Variants in RBMS3 observed in about 807,000 individuals in gnomAD.
RBMS3 encodes the protein RNA binding motif single stranded interacting protein 3, also known as RNA-binding motif, single-stranded-interacting protein 3.
RBMS3 carries 27 observed loss-of-function variants against 66.8 expected under a neutral mutation model. The observed-to-expected ratio is 0.40, with a 90% CI of 0.30 to 0.56. The LOEUF (loss-of-function observed/expected upper bound fraction) is 0.56, where lower values mean the gene tolerates loss of function less well. Among genes scored for constraint, RBMS3 ranks in the 20% least tolerant of loss-of-function variants. The pLI is 0.40. For missense variants in RBMS3, 513 were observed against 549.5 expected (o/e 0.93, Z 0.66); for synonymous variants, 188 against 183.0 (o/e 1.03, Z -0.22).
chr3:29,323,724 A>ACC (rs1037337622), intron 1 of RBMS3, among the ~76,000 whole-genome samples: 13 of 140,480 alleles, frequency 9.3e-5, no homozygotes, highest in South Asian at 2.3e-4. Flanking sequence ...ACACACACAC[A>ACC]CACCCCTTGG....
At chr3:29,719,816 C>T (rs1237566284) in intron 4 of RBMS3, among the ~76,000 whole-genome samples, 2 of 152,150 alleles carry the variant, frequency 1.3e-5, no homozygotes, top group Non-Finnish European at 2.9e-5. Flanking sequence ...ATCCACTTTT[C>T]TTTATAACTA....
intron 14 of RBMS3, among the ~76,000 whole-genome samples, chr3:29,996,117 C>T (rs1458735524): frequency 2.7e-5 from 4 of 150,596 alleles, no homozygotes; most frequent in African/African-American, 7.3e-5. Flanking sequence ...GGGTTGCAAT[C>T]CTAGTCTCTG....
chr3:29,663,737 T>A (rs571995427), intron 4 of RBMS3, among the ~76,000 whole-genome samples: 1 of 149,130 alleles, frequency 6.7e-6, no homozygotes, highest in African/African-American at 2.4e-5. Flanking sequence ...GATCAGACAT[T>A]CGTAGATTGT....
At chr3:29,363,869 AT>A (rs1332668012) in intron 1 of RBMS3, among the ~76,000 whole-genome samples, 11 of 151,376 alleles carry the variant, frequency 7.3e-5, no homozygotes, top group South Asian at 4.2e-4. Flanking sequence ...ATTGATAAAA[AT>A]TTTTTTTTGC....
chr3:29,700,423 T>A (rs1419427538), intron 4 of RBMS3, among the ~76,000 whole-genome samples: 1 of 152,178 alleles, frequency 6.6e-6, no homozygotes, highest in Non-Finnish European at 1.5e-5. Flanking sequence ...GCTCCAGAAT[T>A]TTCCTGGAAT....
rs117952313 is a variant in RBMS3, at chr3:29,413,096, C to T, written c.76-21647C>T. ...AAAAGAGAGGCAGCAGAAAGCCAGG[C>T]GCGGTGGCTCACACCTGTAATCCCA... On this transcript the variant is annotated intron_variant, in intron 1 of 14. Transcript: ENST00000383767. Among the ~76,000 whole-genome samples the T allele has an allele frequency of 5.8e-4, 89 of 152,282 alleles. No individual in the cohort carries two copies. The East Asian group carries it at 0.015, about 25-fold the overall frequency.
chr3:29,843,204 C>T (rs761091489), intron 6 of RBMS3, among the ~76,000 whole-genome samples: 3 of 152,192 alleles, frequency 2.0e-5, no homozygotes, highest in Non-Finnish European at 4.4e-5. Flanking sequence ...CTTCTATTAA[C>T]TCAAGGTCTT....
At chr3:29,820,188 C>CAAAAAAAAAAAAAAAAAAAAA (rs71091078) in intron 6 of RBMS3, among the ~76,000 whole-genome samples, 1 of 69,828 alleles carries the variant, frequency 1.4e-5, no homozygotes, top group Non-Finnish European at 2.5e-5. Flanking sequence ...GACTTCTTCT[C>CAAAAAAAAAAAAAAAAAAAAA]AAAAAAAAAA....
intron 3 of RBMS3, among the ~76,000 whole-genome samples, chr3:29,542,101 T>C (rs548348155): frequency 3.2e-4 from 49 of 152,342 alleles, no homozygotes; most frequent in African/African-American, 1.2e-3. Flanking sequence ...AAAGACTTCT[T>C]TCTGCAACAG....
chr3:29,428,234 C>A (rs1366986452), intron 1 of RBMS3, among the ~76,000 whole-genome samples: 1 of 151,734 alleles, frequency 6.6e-6, no homozygotes, highest in Non-Finnish European at 1.5e-5. Context: ...TACAGGGGGA[C>A]ATTTGGCAGT....
chr3:29,328,414 A>T (rs1193778657), intron 1 of RBMS3, among the ~76,000 whole-genome samples: 1 of 152,188 alleles, frequency 6.6e-6, no homozygotes, highest in African/African-American at 2.4e-5. Flanking sequence ...CAAAAAGGAC[A>T]TTGGTATTAC....
At chr3:29,688,233 G>C (rs1481750701) in intron 4 of RBMS3, among the ~76,000 whole-genome samples, 1 of 152,060 alleles carries the variant, frequency 6.6e-6, no homozygotes, top group African/African-American at 2.4e-5. Context: ...ATCTTCCAAT[G>C]CTTTTATGTG....
rs146105256 is a variant in RBMS3 at position 29,937,629 on chromosome 3, A to C, written c.1050+1433A>C. Among the ~76,000 whole-genome samples the C allele has an allele frequency of 2.6e-4, 39 of 152,080 alleles. 2 individuals carry two copies. The East Asian group carries it at 4.1e-3, about 16-fold the overall frequency. The stretch of plus-strand genomic sequence containing the variant: ...AACCTGTAAAAAGCAGTCGATGGTA[A>C]CTTACCTGTCTGAATGCTTGGGCTG... On this transcript the variant is annotated intron_variant, in intron 11 of 14. Transcript: ENST00000383767.
At chr3:29,741,963 G>A (rs569588330) in intron 5 of RBMS3, among the ~76,000 whole-genome samples, 1 of 152,084 alleles carries the variant, frequency 6.6e-6, no homozygotes, top group Non-Finnish European at 1.5e-5. Context: ...CTTTAAAGGG[G>A]TAATTACAAA....
At chr3:29,511,423 G>T (rs890134989) in intron 3 of RBMS3, among the ~76,000 whole-genome samples, 1 of 152,198 alleles carries the variant, frequency 6.6e-6, no homozygotes, top group Non-Finnish European at 1.5e-5. Flanking sequence ...AGTTCTGTGC[G>T]TGGGTGTTTT....
chr3:29,347,974 A>G (rs1165160085), intron 1 of RBMS3, among the ~76,000 whole-genome samples: 3 of 152,218 alleles, frequency 2.0e-5, no homozygotes, highest in Admixed American at 1.3e-4. Context: ...TAAACAACAA[A>G]TGAGTTTTCC....
At chr3:29,509,289 G>C (rs2044303490) in intron 3 of RBMS3, among the ~76,000 whole-genome samples, 3 of 152,074 alleles carry the variant, frequency 2.0e-5, no homozygotes, top group Admixed American at 1.3e-4. Context: ...ATGCCACATG[G>C]AAAAATACTT....
intron 1 of RBMS3, among the ~76,000 whole-genome samples, chr3:29,407,746 C>A (rs2040086313): frequency 6.6e-6 from 1 of 152,124 alleles, no homozygotes; most frequent in Non-Finnish European, 1.5e-5. Context: ...TTAGCACAGT[C>A]TTATTTTACA....
chr3:29,891,994 T>A (rs1001249222), intron 8 of RBMS3, among the ~76,000 whole-genome samples: 66 of 151,496 alleles, frequency 4.4e-4, no homozygotes, highest in Non-Finnish European at 7.2e-4. Context: ...GTAAAAAAAA[T>A]TAAACCCTGG....
Sources: gnomAD v4.1 joint callset for allele counts (sites outside exome capture counted in the v4.1 genomes callset) on GRCh38, gnomAD v4.1.1 for gene constraint, MANE v1.5 for transcripts, NCBI Gene and HGNC (gene_info 2026-07-23, HGNC 2026-07-21) for gene names.